Variants in MAGI3 observed in about 807,000 individuals in gnomAD.
The protein encoded by MAGI3 is membrane associated guanylate kinase, WW and PDZ domain containing 3.
Under a neutral mutation model 121.8 loss-of-function variants are expected in MAGI3, and 43 were observed. The ratio of observed to expected loss-of-function variants is 0.35; its 90% CI spans 0.28 to 0.46. MAGI3 has a LOEUF of 0.46. MAGI3 is among the 20% of genes least tolerant of loss of function. The probability of loss-of-function intolerance (pLI) is 1.00; values close to 1 mark genes in which losing one functional copy is unlikely to be tolerated. For missense variants in MAGI3, 1,547 were observed against 1,797.3 expected (o/e 0.86, Z 2.52); for synonymous variants, 553 against 639.3 (o/e 0.86, Z 2.04).
chr1:113,487,674 G>T (rs941322934), intron 1 of MAGI3, among the ~76,000 whole-genome samples: 11 of 151,664 alleles, frequency 7.3e-5, no homozygotes, highest in African/African-American at 2.7e-4. Flanking sequence ...ACAAATTTAA[G>T]TGTAGTAAAG....
intron 1 of MAGI3, among the ~76,000 whole-genome samples, chr1:113,547,175 G>A (rs557613629): frequency 2.0e-5 from 3 of 148,748 alleles, no homozygotes; most frequent in Non-Finnish European, 4.5e-5. Context: ...TTGTGGCTTT[G>A]TCCTTAATTA....
intron 7 of MAGI3, among the ~76,000 whole-genome samples, chr1:113,617,424 A>G (rs1650544174): frequency 6.6e-6 from 1 of 152,206 alleles, no homozygotes; most frequent in Non-Finnish European, 1.5e-5. Flanking sequence ...AAGTAATTAA[A>G]TGAAAAGGAC....
intron 4 of MAGI3, among the ~76,000 whole-genome samples, chr1:113,586,052 AC>A (rs1248859276): frequency 6.6e-6 from 1 of 152,206 alleles, no homozygotes; most frequent in African/African-American, 2.4e-5. Context: ...TTTTGGATTC[AC>A]TCAAAGAAAA....
At chr1:113,588,978 T>G (rs1330802441) in intron 4 of MAGI3, among the ~76,000 whole-genome samples, 2 of 152,090 alleles carry the variant, frequency 1.3e-5, no homozygotes, top group African/African-American at 4.8e-5. Flanking sequence ...TAGAGAAGAT[T>G]GGTGATGCAG....
intron 2 of MAGI3, among the ~76,000 whole-genome samples, chr1:113,579,126 C>G: frequency 6.6e-6 from 1 of 152,170 alleles, no homozygotes; most frequent in East Asian, 1.9e-4. Context: ...TATTTGACAG[C>G]TATGTATATT....
chr1:113,594,446 T>A, intron 5 of MAGI3, 35 bp from the exon 6 acceptor site: 2 of 1,528,938 alleles, frequency 1.3e-6, no homozygotes, highest in Non-Finnish European at 1.8e-6. Flanking sequence ...TCCTCCTTTA[T>A]TTTACTGTTT....
intron 9 of MAGI3, among the ~76,000 whole-genome samples, chr1:113,623,589 G>A (rs1651015922): frequency 1.3e-5 from 2 of 151,522 alleles, no homozygotes; most frequent in Non-Finnish European, 1.5e-5. Context: ...CCGGGTTCAC[G>A]CCATTCTCCT....
intron 1 of MAGI3, among the ~76,000 whole-genome samples, chr1:113,436,160 G>C (rs1653555308): frequency 6.6e-6 from 1 of 152,022 alleles, no homozygotes; most frequent in Admixed American, 6.6e-5. Context: ...CAGATATAGG[G>C]ATGTTATAAT....
intron 1 of MAGI3, among the ~76,000 whole-genome samples, chr1:113,448,257 T>C (rs561277786): frequency 1.3e-5 from 2 of 152,334 alleles, no homozygotes; most frequent in Admixed American, 1.3e-4. Context: ...TCTTCAAATA[T>C]TTCTTGAAGA....
chr1:113,469,729 A>G (rs533495991), intron 1 of MAGI3, among the ~76,000 whole-genome samples: 1 of 152,238 alleles, frequency 6.6e-6, no homozygotes. Context: ...CTGCTTGGTA[A>G]TAGATTTATA....
chr1:113,659,227 C>T lies in MAGI3; in HGVS notation c.2777C>T (p.Ala926Val). 6.2e-7 allele frequency: 1 copy of T among 1,613,998 alleles called. No individual in the cohort carries two copies. ...AACATTGTTCAGCTGATCAAAGATG[C>T]TGGTGTCACCGTCACACTAACGGTC... ...HDNIVQLIKD[A>V]GVTVTLTVIA... Residue 926 changes from alanine (A) to valine (V), a missense_variant, in exon 16 of 21, where the codon GCT (alanine) becomes GTT (valine). Transcript: ENST00000307546.
chr1:113,471,708 T>C, intron 1 of MAGI3, among the ~76,000 whole-genome samples: 1 of 152,188 alleles, frequency 6.6e-6, no homozygotes, highest in East Asian at 1.9e-4. Context: ...TGACTGGCAA[T>C]ACATTAGGTT....
chr1:113,563,908 C>T (rs1441286537), intron 2 of MAGI3, among the ~76,000 whole-genome samples: 2 of 152,210 alleles, frequency 1.3e-5, no homozygotes, highest in Non-Finnish European at 2.9e-5. Context: ...GGGCTGTTAC[C>T]ATACCCTCTT....
chr1:113,481,680 G>C (rs1324708464), intron 1 of MAGI3, among the ~76,000 whole-genome samples: 1 of 152,128 alleles, frequency 6.6e-6, no homozygotes, highest in African/African-American at 2.4e-5. Flanking sequence ...ATCAAAGCCA[G>C]TGTTTACCAT....
chr1:113,678,037 C>T (rs1046169513), intron 19 of MAGI3, among the ~76,000 whole-genome samples: 2 of 152,098 alleles, frequency 1.3e-5, no homozygotes, highest in East Asian at 1.9e-4. Context: ...GGCTCCCCCT[C>T]CTTCCCCTCA....
At chr1:113,457,970 G>C (rs909834439) in intron 1 of MAGI3, among the ~76,000 whole-genome samples, 2 of 152,216 alleles carry the variant, frequency 1.3e-5, no homozygotes, top group African/African-American at 4.8e-5. Context: ...TGTGGCTGAA[G>C]AACAGTGAAC....
At chr1:113,578,003 T>G (rs1291937805) in intron 2 of MAGI3, among the ~76,000 whole-genome samples, 1 of 115,800 alleles carries the variant, frequency 8.6e-6, no homozygotes, top group Non-Finnish European at 1.7e-5. Flanking sequence ...CTTAAAATAG[T>G]GATGTTTATT....
chr1:113,672,525 C>T (rs1413106608), intron 17 of MAGI3, 90 bp from the exon 18 acceptor site: 3 of 1,423,288 alleles, frequency 2.1e-6, no homozygotes, highest in Non-Finnish European at 2.8e-6. Context: ...ATGGCAAGGT[C>T]GAGCTTTTAA....
At chr1:113,413,133 G>T (rs1652093445) in intron 1 of MAGI3, among the ~76,000 whole-genome samples, 1 of 152,114 alleles carries the variant, frequency 6.6e-6, no homozygotes, top group Admixed American at 6.5e-5. Context: ...ATTACATAGG[G>T]AATCCTTTCC....
Sources: gnomAD v4.1 joint callset for allele counts (sites outside exome capture counted in the v4.1 genomes callset) on GRCh38, gnomAD v4.1.1 for gene constraint, MANE v1.5 for transcripts, NCBI Gene and HGNC (gene_info 2026-07-23, HGNC 2026-07-21) for gene names.